AKAP17A: variants seen among roughly 807,000 people sequenced by gnomAD.
AKAP17A encodes the protein A-kinase anchor protein 17A.
A neutral mutation model predicts 52.2 loss-of-function variants in AKAP17A; 15 were observed. That is an observed-to-expected ratio of 0.29 (90% confidence interval 0.19 to 0.44). AKAP17A has a LOEUF of 0.44. Among genes scored for constraint, AKAP17A ranks in the 20% least tolerant of loss-of-function variants. The pLI is 1.00. For missense variants in AKAP17A, 1,060 were observed against 1,007.0 expected (o/e 1.05, Z -0.71); for synonymous variants, 514 against 424.7 (o/e 1.21, Z -2.58).
At position 1,601,420 on chromosome X, in the gene AKAP17A, C is replaced by A; in HGVS notation, c.1914C>A (p.Ser638Arg). The change falls in exon 5 of 5, where the codon AGC (serine) becomes AGA (arginine). Residue 638 changes from serine to arginine, a missense_variant. By Grantham distance (110) the Ser-to-Arg change is moderately radical (BLOSUM62 -1). Transcript: ENST00000313871. ...AYKDDSPRRR[S>R]TSPDHTRSRR... ...AGGATGACAGCCCCCGCCGGCGCAG[C>A]ACGAGCCCGGACCACACCCGGTCCC... is the stretch of plus-strand genomic sequence containing the variant. 1 of 1,567,734 alleles carries A rather than the reference C, an allele frequency of 6.4e-7. No homozygotes were observed. Among genetic ancestry groups the A allele is most frequent in the Non-Finnish European group, 8.6e-7 (1 of 1,164,576 alleles).
At chrX:1,599,577 G>C (rs1279828889) in intron 4 of AKAP17A, 145 bp downstream of exon 4, 1 of 1,142,448 alleles carries the variant, frequency 8.8e-7, no homozygotes, top group Non-Finnish European at 1.3e-6. Context: ...GAGGATGACG[G>C]CTCCTTCCCG....
At chrX:1,596,425 ATCCTCCTCC>A (rs200868282) in intron 3 of AKAP17A, among the ~76,000 whole-genome samples, 4 of 145,574 alleles carry the variant, frequency 2.7e-5, no homozygotes, top group African/African-American at 5.2e-5. Flanking sequence ...CTGAGGCGGA[ATCCTCCTCC>A]TCCTCCTCCT....
rs1933354702 is a variant in AKAP17A, at chrX:1,601,174, G to A, written c.1668G>A (p.Gln556=). 6.2e-7 allele frequency: 1 copy of A among 1,613,910 alleles called. No homozygotes were observed. Among genetic ancestry groups the A allele is most frequent in the African/African-American group, 1.3e-5 (1 of 75,050 alleles). Residue 556 remains glutamine, a synonymous_variant, in exon 5 of 5, where the codon CAG becomes CAA. Coordinates refer to ENST00000313871, the MANE Select transcript of AKAP17A (RefSeq NM_005088.3). ...CCTGCATTCCTGACAACAACCAACA[G>A]CCCAAGGGCATCCCTGCCTGCGAGC... ...VLSCIPDNNQ[Q]PKGIPACEQN...
rs1280772485 is a variant in AKAP17A, at chrX:1,591,788, C to A, written c.-20+19C>A. The stretch of plus-strand genomic sequence containing the variant: ...CGCGCAGGTGAGTGCCGCCCCCGTG[C>A]CTCCCGGGCCTGGCTGCAGCCGGCG... On this transcript the variant is annotated intron_variant, in intron 1 of 4. Coordinates refer to ENST00000313871, the MANE Select transcript of AKAP17A (RefSeq NM_005088.3). The A allele has an allele frequency of 6.6e-6, 1 of 151,428 alleles. No individual in the cohort carries two copies. The highest frequency in any genetic ancestry group is 1.5e-5 in the Non-Finnish European group (1 of 67,786). 9.4% of individuals were successfully genotyped at this position (151,428 alleles called of 1,614,324 possible). A position where few individuals can be genotyped will look rare whatever the true frequency, so the allele number is the denominator to read the frequency against.
Position 1,601,535 on chromosome X carries a change from C to G in AKAP17A, c.2029C>G (p.Arg677Gly). Residue 677 changes from arginine to glycine, a missense_variant, in exon 5 of 5, where the codon CGA becomes GGA. Around this residue, in one of 2 missense-constraint regions of AKAP17A, gnomAD observed 793 missense variants for 629.9 expected, o/e 1.26. Coordinates refer to ENST00000313871, the MANE Select transcript of AKAP17A (RefSeq NM_005088.3). The part of the protein sequence containing the change: ...ASRKHSRHRR[R>G]SERSRSRSPS... ...CAGGAAGCACAGCCGCCACCGCCGC[C>G]GAAGCGAGCGGTCGCGCTCCCGGTC... 2 of 1,483,616 alleles carry G rather than the reference C, an allele frequency of 1.3e-6. No individual in the cohort carries two copies. Among genetic ancestry groups the G allele is most frequent in the Middle Eastern group, 2.5e-4 (1 of 4,002 alleles). 91.9% of individuals were successfully genotyped at this position (1,483,616 alleles called of 1,614,324 possible).
At chrX:1,599,919 G>C in intron 4 of AKAP17A, 1 of 528,952 alleles carries the variant, frequency 1.9e-6, no homozygotes, top group Non-Finnish European at 3.4e-6. Context: ...AACCTGACAG[G>C]TCTCACCAGC....
chrX:1,601,116 C>G lies in AKAP17A; in HGVS notation c.1610C>G (p.Ser537Cys). 1 of 1,613,898 alleles carries G rather than the reference C, an allele frequency of 6.2e-7. No homozygotes were observed. The highest frequency in any genetic ancestry group is 8.5e-7 in the Non-Finnish European group (1 of 1,179,836). ...TGTCGTGTGGTCCCCGAGGATGGCTCTCCAGAGAAGAGGTGCCCGGGCGGC... is the reference window on the plus strand; with the variant it reads ...TGTCGTGTGGTCCCCGAGGATGGCTGTCCAGAGAAGAGGTGCCCGGGCGGC... Reference protein sequence around the residue: ...SSCRVVPEDGSPEKRCPGGVL... With the variant: ...SSCRVVPEDGCPEKRCPGGVL... Residue 537 changes from serine to cysteine, a missense_variant, in exon 5 of 5, where the codon TCT (serine) becomes TGT (cysteine). Coordinates refer to ENST00000313871, the MANE Select transcript of AKAP17A (RefSeq NM_005088.3).
chrX:1,599,336 G>T lies in AKAP17A; in HGVS notation c.1056G>T (p.Leu352=), dbSNP rs1933215974. ...TGCAGGCGGAGGAGCAGAAGCAGCT[G>T]CAGGAGAAGATCAAGCTGGAGGAGC... ...EKLQAEEQKQ[L]QEKIKLEERK... is the part of the protein sequence containing the mutation. Residue 352 remains leucine, a synonymous_variant, in exon 4 of 5, where the codon CTG becomes CTT. Transcript: ENST00000313871. 6.2e-7 allele frequency: 1 copy of T among 1,602,982 alleles called. No individual in the cohort carries two copies. Among genetic ancestry groups the T allele is most frequent in the Non-Finnish European group, 8.5e-7 (1 of 1,175,654 alleles).
intron 4 of AKAP17A, chrX:1,599,740 G>T (rs1460752667): frequency 1.6e-6 from 1 of 619,032 alleles, no homozygotes; most frequent in East Asian, 2.7e-5. Context: ...CGGGGCAGTG[G>T]CAGAGAGTGC....
At chrX:1,595,628 G>C in intron 3 of AKAP17A, 96 bp downstream of exon 3, 1 of 1,561,460 alleles carries the variant, frequency 6.4e-7, no homozygotes, top group East Asian at 2.3e-5. Context: ...TCCTGTGCGT[G>C]TGTGTGTGCA....
At chrX:1,596,726 T>TCC (rs2149442492) in intron 3 of AKAP17A, among the ~76,000 whole-genome samples, 1 of 70,070 alleles carries the variant, frequency 1.4e-5, no homozygotes, top group African/African-American at 7.8e-5. Context: ...CTCCTCCTCC[T>TCC]TCTCCGTCCC....
At chrX:1,599,884 G>A in intron 4 of AKAP17A, 1 of 572,594 alleles carries the variant, frequency 1.7e-6, no homozygotes, top group South Asian at 2.0e-5. Flanking sequence ...CCTGCCGTGG[G>A]CCCGGGTCCC....
intron 4 of AKAP17A, chrX:1,600,127 T>A: frequency 7.7e-7 from 1 of 1,301,860 alleles, no homozygotes; most frequent in Non-Finnish European, 1.0e-6. Flanking sequence ...TAACCTGTTG[T>A]CTGATTACAG....
intron 2 of AKAP17A, among the ~76,000 whole-genome samples, chrX:1,594,497 C>T (rs1415302861): frequency 6.6e-6 from 1 of 152,212 alleles, no homozygotes; most frequent in Non-Finnish European, 1.5e-5. Context: ...GCCTCAGGAA[C>T]TCTGACAGGG....
At chrX:1,597,230 C>T (rs1285676035) in intron 3 of AKAP17A, among the ~76,000 whole-genome samples, 5 of 152,166 alleles carry the variant, frequency 3.3e-5, no homozygotes, top group South Asian at 2.1e-4. Context: ...TTTACGTAGC[C>T]CCCGTTGCCT....
At position 1,594,018 on chromosome X, in the gene AKAP17A, A is replaced by C. The variant is rs1932890244; in HGVS notation, c.556A>C (p.Asn186His). ...KVFEKFGEIRNVDIPMLDPYR... is the reference protein window; with the variant it reads ...KVFEKFGEIRHVDIPMLDPYR... ...GTTTGAGAAGTTCGGGGAGATCCGG[A>C]ATGTGGACATCCCCATGCTGGACCC... The change falls in exon 2 of 5, where the codon AAT becomes CAT. Residue 186 changes from asparagine (N) to histidine (H), a missense_variant. Transcript: ENST00000313871. 1 of 1,607,638 alleles carries C rather than the reference A, an allele frequency of 6.2e-7. No individual in the cohort carries two copies. Among genetic ancestry groups the C allele is most frequent in the Admixed American group, 1.7e-5 (1 of 59,160 alleles).
chrX:1,600,771 A>C lies in AKAP17A; in HGVS notation c.1265A>C (p.Glu422Ala). ...CTGCGGCGCGTGGAGGAGGAGAAGG[A>C]GCGCGCGCTGGGCCTGCAGCGGAAA... Reference protein sequence around the residue: ...AELRRVEEEKERALGLQRKER... With the variant: ...AELRRVEEEKARALGLQRKER... The change falls in exon 5 of 5, where the codon GAG becomes GCG. Residue 422 changes from glutamate to alanine, a missense_variant. Glu to Ala is a moderately radical substitution (Grantham distance 107, BLOSUM62 -1). Around this residue, in one of 2 missense-constraint regions of AKAP17A, gnomAD observed 793 missense variants for 629.9 expected, o/e 1.26. Transcript: ENST00000313871. The C allele has an allele frequency of 6.4e-7, 1 of 1,570,698 alleles. No homozygotes were observed. The highest frequency in any genetic ancestry group is 8.6e-7 in the Non-Finnish European group (1 of 1,163,104).
chrX:1,592,439 G>T (rs5989680), intron 1 of AKAP17A, among the ~76,000 whole-genome samples: 3 of 151,992 alleles, frequency 2.0e-5, no homozygotes. Flanking sequence ...CTGGAGGCCA[G>T]AGTGGGGAGG....
Position 1,595,491 on chromosome X carries a change from C to T in AKAP17A, c.870C>T (p.Arg290=). The T allele has an allele frequency of 6.2e-7, 1 of 1,613,946 alleles. No individual in the cohort carries two copies. Among genetic ancestry groups the T allele is most frequent in the East Asian group, 2.2e-5 (1 of 44,882 alleles). ...ELEQQREEQK[R]REKEAEERQR... ...AGCAGCAAAGAGAAGAACAAAAGCG[C>T]AGAGAGAAGGAAGCGGAGGAGAGGC... is the stretch of plus-strand genomic sequence containing the variant. Residue 290 remains arginine (R), a synonymous_variant, in exon 3 of 5, where the codon CGC becomes CGT. Transcript: ENST00000313871.
Sources: gnomAD v4.1 joint callset for allele counts (sites outside exome capture counted in the v4.1 genomes callset) on GRCh38, gnomAD v4.1.1 for gene constraint, gnomAD v4.1.1 regional missense constraint, MANE v1.5 for transcripts, NCBI Gene and HGNC (gene_info 2026-07-23, HGNC 2026-07-21) for gene names.